Variants in TRIM9 observed in about 807,000 individuals in gnomAD.
TRIM9 encodes the protein E3 ubiquitin-protein ligase TRIM9.
Under a neutral mutation model 78.3 loss-of-function variants are expected in TRIM9, and 26 were observed. The observed-to-expected ratio is 0.33, with a 90% CI of 0.24 to 0.46. The LOEUF (loss-of-function observed/expected upper bound fraction) is 0.46. Among genes scored for constraint, TRIM9 ranks in the 20% least tolerant of loss-of-function variants. The probability of loss-of-function intolerance (pLI) is 1.00; values close to 1 mark genes in which losing one functional copy is unlikely to be tolerated. For missense variants in TRIM9, 787 were observed against 1,036.4 expected (o/e 0.76, Z 3.30); for synonymous variants, 398 against 416.5 (o/e 0.96, Z 0.54).
At chr14:50,993,802 C>A (rs2053845519) in intron 7 of TRIM9, among the ~76,000 whole-genome samples, 1 of 152,166 alleles carries the variant, frequency 6.6e-6, no homozygotes, top group Non-Finnish European at 1.5e-5. Flanking sequence ...AATGTTAGCA[C>A]CACAGCGGAC....
At chr14:51,034,588 G>A (rs535015420) in intron 1 of TRIM9, among the ~76,000 whole-genome samples, 44 of 152,060 alleles carry the variant, frequency 2.9e-4, no homozygotes, top group Non-Finnish European at 2.2e-4. Context: ...AAAGTTTAAC[G>A]CAGTTTCACC....
At chr14:50,994,826 G>A (rs1038007829) in intron 7 of TRIM9, among the ~76,000 whole-genome samples, 4 of 152,142 alleles carry the variant, frequency 2.6e-5, no homozygotes, top group Non-Finnish European at 5.9e-5. Flanking sequence ...TTGGGGCTTG[G>A]GGGCCTTATT....
rs1183081921 is a variant in TRIM9 at position 50,975,542 on chromosome 14, A to T, written c.*1749T>A. The T allele has an allele frequency of 6.5e-6, 1 of 152,676 alleles. No homozygotes were observed. Among genetic ancestry groups the T allele is most frequent in the Non-Finnish European group, 1.5e-5 (1 of 68,040 alleles). 9.5% of individuals were successfully genotyped at this position (152,676 alleles called of 1,614,324 possible). ...AAAAACCAAGACACACATAAACAGG[A>T]TAGCACCCATTCCATAAATTAGGTA... On this transcript the variant is annotated 3_prime_UTR_variant, in exon 13 of 13. Transcript: ENST00000684578.
Position 51,020,785 on chromosome 14 carries a change from A to T in TRIM9, c.1041+2050T>A, listed in dbSNP as rs1295300252. ...CTTCTGCCATTCTTTGATAGGGATA[A>T]ATGATGCATTCTCAATCATCAAAAA... is the stretch of plus-strand genomic sequence containing the variant. On this transcript the variant is annotated intron_variant, in intron 3 of 12. Coordinates refer to ENST00000684578, the MANE Select transcript of TRIM9 (RefSeq NM_001387360.1). Among the ~76,000 whole-genome samples, 4 of 152,190 alleles carry T rather than the reference A, an allele frequency of 2.6e-5. No homozygotes were observed. In the East Asian group the frequency reaches 7.7e-4, roughly 29 times the overall value.
At chr14:50,995,925 T>C (rs1475394000) in intron 7 of TRIM9, 1 of 204,340 alleles carries the variant, frequency 4.9e-6, no homozygotes, top group African/African-American at 2.4e-5. Context: ...TATTTGATCC[T>C]ATAGGCTTTG....
intron 1 of TRIM9, among the ~76,000 whole-genome samples, chr14:51,048,258 C>T (rs2060107428): frequency 6.6e-6 from 1 of 152,204 alleles, no homozygotes; most frequent in African/African-American, 2.4e-5. Flanking sequence ...TCTGTACAGG[C>T]TTTAGAGGCT....
chr14:51,076,390 G>A (rs565092179), intron 1 of TRIM9, among the ~76,000 whole-genome samples: 247 of 152,268 alleles, frequency 1.6e-3, no homozygotes, highest in Non-Finnish European at 2.6e-3. Flanking sequence ...TCTGTGAAAG[G>A]CACTGTGTCT....
rs191157982 is a variant in TRIM9, at chr14:51,050,228, A to G, written c.823-24868T>C. Among the ~76,000 whole-genome samples, 189 of 152,226 alleles carry G rather than the reference A, an allele frequency of 1.2e-3. 1 individual carries two copies. Among genetic ancestry groups the G allele is most frequent in the African/African-American group, 4.3e-3 (178 of 41,528 alleles). ...TATGGTTTGGCTGTGTCCCCACCCAAATCTCATCTTGGATTGTAGCTTCCA... is the reference window on the plus strand; with the variant it reads ...TATGGTTTGGCTGTGTCCCCACCCAGATCTCATCTTGGATTGTAGCTTCCA... On this transcript the variant is annotated intron_variant, in intron 1 of 12. Transcript: ENST00000684578.
chr14:51,074,532 C>T (rs1368977660), intron 1 of TRIM9, among the ~76,000 whole-genome samples: 1 of 152,148 alleles, frequency 6.6e-6, no homozygotes, highest in Non-Finnish European at 1.5e-5. Flanking sequence ...ATTTTGTTTT[C>T]ACCTTCCATC....
intron 1 of TRIM9, chr14:51,089,289 T>A (rs2064087809): frequency 6.6e-6 from 1 of 152,260 alleles, no homozygotes; most frequent in Non-Finnish European, 1.5e-5. Context: ...TAAACATTTA[T>A]CTTGTTATAG....
intron 10 of TRIM9, 132 bp downstream of exon 10, chr14:50,982,810 C>A: frequency 1.2e-6 from 1 of 816,752 alleles, no homozygotes; most frequent in South Asian, 2.0e-5. Flanking sequence ...CGCATTGTTA[C>A]GCCCCAAGTT....
At chr14:51,070,746 C>T (rs1317113246) in intron 1 of TRIM9, among the ~76,000 whole-genome samples, 1 of 152,110 alleles carries the variant, frequency 6.6e-6, no homozygotes, top group Admixed American at 6.5e-5. Context: ...CAAAGATAGA[C>T]TGAGGGCCAC....
intron 1 of TRIM9, among the ~76,000 whole-genome samples, chr14:51,086,837 G>A (rs1235028910): frequency 6.6e-6 from 1 of 152,140 alleles, no homozygotes; most frequent in Middle Eastern, 3.2e-3. Flanking sequence ...GAGTGGATGA[G>A]TTTCTTGAGA....
At chr14:51,047,945 G>A (rs759121637) in intron 1 of TRIM9, among the ~76,000 whole-genome samples, 21 of 134,012 alleles carry the variant, frequency 1.6e-4, no homozygotes, top group Non-Finnish European at 2.9e-4. Context: ...GGGCGATACT[G>A]TGAGACCCTG....
Position 50,986,085 on chromosome 14 carries a change from G to C in TRIM9, c.1663C>G (p.Arg555Gly), listed in dbSNP as rs1183708814. The change falls in exon 8 of 13, where the codon CGT (arginine) becomes GGT (glycine). Residue 555 changes from arginine (R) to glycine (G), a missense_variant. Physicochemically the swap from Arg to Gly is moderately radical, Grantham distance 125. This residue lies in a region of TRIM9 where 421 missense variants were observed against 514.3 expected (regional missense o/e 0.82). Coordinates refer to ENST00000684578, the MANE Select transcript of TRIM9 (RefSeq NM_001387360.1). ...GTGGAGGAGAAAGGACTCATTCTAC[G>C]GAGCGGCAATCTTTCCGAAGGCACT... The part of the protein sequence containing the change: ...FPVPSERLPL[R>G]RMSPFSSTLN... The C allele has an allele frequency of 1.9e-6, 3 of 1,547,932 alleles. No individual in the cohort carries two copies. Among genetic ancestry groups the C allele is most frequent in the Middle Eastern group, 1.7e-4 (1 of 5,984 alleles).
At chr14:51,024,951 T>C (rs1047716962) in intron 2 of TRIM9, among the ~76,000 whole-genome samples, 2 of 152,134 alleles carry the variant, frequency 1.3e-5, no homozygotes, top group African/African-American at 4.8e-5. Flanking sequence ...AGCTCAACAA[T>C]AAGGACCCTG....
At chr14:51,039,866 C>A (rs1437864893) in intron 1 of TRIM9, among the ~76,000 whole-genome samples, 1 of 152,006 alleles carries the variant, frequency 6.6e-6, no homozygotes, top group Non-Finnish European at 1.5e-5. Flanking sequence ...CCTGCCTTAG[C>A]CTCCTGAGTA....
chr14:51,094,460 C>G lies in TRIM9; in HGVS notation c.480G>C (p.Gln160His). Residue 160 changes from glutamine (Q) to histidine (H), a missense_variant, in exon 1 of 13, where the codon CAG (glutamine) becomes CAC (histidine). Coordinates refer to ENST00000684578, the MANE Select transcript of TRIM9 (RefSeq NM_001387360.1). Reference sequence around the variant, plus strand: ...GGCACTTGAGGGCCGCGGCTTTGCTCTGCTGGTAGCGGTCAATTACCCCTT... The same window carrying G: ...GGCACTTGAGGGCCGCGGCTTTGCTGTGCTGGTAGCGGTCAATTACCCCTT... ...VLEGVIDRYQ[Q>H]SKAAALKCQL... 3 of 1,613,852 alleles carry G rather than the reference C, an allele frequency of 1.9e-6. No homozygotes were observed. Among genetic ancestry groups the G allele is most frequent in the Non-Finnish European group, 2.5e-6 (3 of 1,179,972 alleles).
rs1208080508 is a variant in TRIM9, at chr14:50,977,323, C to T, written c.2356G>A (p.Asp786Asn). Residue 786 changes from aspartate to asparagine, a missense_variant, in exon 13 of 13, where the codon GAC (aspartate) becomes AAC (asparagine). Physicochemically the swap from Asp to Asn is conservative, Grantham distance 23. This residue lies in a region of TRIM9 where 421 missense variants were observed against 514.3 expected (regional missense o/e 0.82). Transcript: ENST00000684578. ...VTLHTGLPVPDFYSSRASIA is the reference protein window; with the variant it reads ...VTLHTGLPVPNFYSSRASIA ...ATTGATGCTCTGCTGGAGTAGAAGT[C>T]GGGGACTGGGAGCCCGGTGTGCAGC... 12 of 1,547,200 alleles carry T rather than the reference C, an allele frequency of 7.8e-6. No homozygotes were observed. The highest frequency in any genetic ancestry group is 2.8e-5 in the African/African-American group (2 of 71,786).
Sources: gnomAD v4.1 joint callset for allele counts (sites outside exome capture counted in the v4.1 genomes callset) on GRCh38, gnomAD v4.1.1 for gene constraint, gnomAD v4.1.1 regional missense constraint, MANE v1.5 for transcripts, NCBI Gene and HGNC (gene_info 2026-07-23, HGNC 2026-07-21) for gene names.